DPP10: variants seen among roughly 807,000 people sequenced by gnomAD.
DPP10 encodes inactive dipeptidyl peptidase 10.
A neutral mutation model predicts 120.9 loss-of-function variants in DPP10; 33 were observed. That is an observed-to-expected ratio of 0.27 (90% CI 0.21 to 0.37). The LOEUF (loss-of-function observed/expected upper bound fraction) is 0.37, where lower values mean the gene tolerates loss of function less well. Among genes scored for constraint, DPP10 ranks in the 10% least tolerant of loss-of-function variants. The probability of loss-of-function intolerance (pLI) is 1.00; values close to 1 mark genes in which losing one functional copy is unlikely to be tolerated. For synonymous variants in DPP10, 337 were observed against 326.1 expected (o/e 1.03, Z -0.36); for missense variants, 816 against 942.8 (o/e 0.87, Z 1.76).
At chr2:114,964,718 G>A (rs1698881186) in intron 1 of DPP10, among the ~76,000 whole-genome samples, 1 of 152,176 alleles carries the variant, frequency 6.6e-6, no homozygotes, top group Non-Finnish European at 1.5e-5. Context: ...CAATGGAGCA[G>A]CAGATCACAT....
chr2:115,342,300 G>C (rs759214880), intron 2 of DPP10: 1 of 296,502 alleles, frequency 3.4e-6, no homozygotes, highest in Non-Finnish European at 6.7e-6. Context: ...TCCGCCTCCT[G>C]TGTTCAAGCA....
At chr2:115,294,626 A>G (rs902421564) in intron 1 of DPP10, among the ~76,000 whole-genome samples, 1 of 152,140 alleles carries the variant, frequency 6.6e-6, no homozygotes, top group African/African-American at 2.4e-5. Context: ...AAAATGAAAA[A>G]TGACTAGGAC....
In DPP10 at chr2:115,724,743, G is replaced by T. The variant is rs1575607006; in HGVS notation, c.577-3073G>T. Among the ~76,000 whole-genome samples the T allele has an allele frequency of 2.0e-5, 3 of 152,156 alleles. No homozygotes were observed. The East Asian group carries it at 5.8e-4, about 29-fold the overall frequency. On this transcript the variant is annotated intron_variant, in intron 7 of 25. Transcript: ENST00000410059. Reference sequence around the variant, plus strand: ...ACTGGGTAATTTATAAAGAAAAGAGGTTTAAGTGATTCAAGGTTCTGCAGG... The same window carrying T: ...ACTGGGTAATTTATAAAGAAAAGAGTTTTAAGTGATTCAAGGTTCTGCAGG...
intron 2 of DPP10, 116 bp downstream of exon 2, chr2:115,309,469 G>A: frequency 1.2e-6 from 1 of 865,120 alleles, no homozygotes; most frequent in Non-Finnish European, 1.7e-6. Flanking sequence ...AGCATGGGTT[G>A]GAATTTGGAA....
intron 1 of DPP10, among the ~76,000 whole-genome samples, chr2:114,631,342 A>C (rs933960514): frequency 2.0e-5 from 3 of 151,972 alleles, no homozygotes; most frequent in African/African-American, 7.3e-5. Flanking sequence ...AGACAGCACC[A>C]CTCACTGCAG....
Position 115,759,849 on chromosome 2 carries a change from A to G in DPP10, c.1075-2723A>G, listed in dbSNP as rs552567455. On this transcript the variant is annotated intron_variant, in intron 11 of 25. Transcript: ENST00000410059. ...AACATGGAGAAACCCCGTCCCTACT[A>G]AAAATACAAAATTAACCGGGCATGT... Among the ~76,000 whole-genome samples, 4 of 152,210 alleles carry G rather than the reference A, an allele frequency of 2.6e-5. No individual in the cohort carries two copies. In the South Asian group the frequency reaches 8.3e-4, roughly 32 times the overall value.
intron 3 of DPP10, among the ~76,000 whole-genome samples, chr2:115,439,603 C>G (rs1483631916): frequency 6.6e-6 from 1 of 152,044 alleles, no homozygotes; most frequent in Non-Finnish European, 1.5e-5. Flanking sequence ...TTTATTTCTA[C>G]GAGAAGATGG....
chr2:115,563,197 G>T (rs1273847701), intron 5 of DPP10, among the ~76,000 whole-genome samples: 1 of 152,152 alleles, frequency 6.6e-6, no homozygotes, highest in Non-Finnish European at 1.5e-5. Flanking sequence ...AGCATTTGCT[G>T]TGCATCATTT....
intron 1 of DPP10, among the ~76,000 whole-genome samples, chr2:115,112,178 T>A (rs922980635): frequency 2.6e-5 from 4 of 152,168 alleles, no homozygotes; most frequent in African/African-American, 9.6e-5. Context: ...TCTTGTTAGA[T>A]AAAATCCAGA....
intron 5 of DPP10, among the ~76,000 whole-genome samples, chr2:115,633,297 T>G (rs986952224): frequency 7.2e-5 from 11 of 152,144 alleles, no homozygotes; most frequent in Non-Finnish European, 1.5e-4. Context: ...TGGATGAAGC[T>G]GGAAACCATC....
chr2:115,664,671 C>G (rs1437260594), intron 5 of DPP10, among the ~76,000 whole-genome samples: 1 of 152,170 alleles, frequency 6.6e-6, no homozygotes, highest in African/African-American at 2.4e-5. Context: ...AGCTCACCAC[C>G]TCCTGTGCTT....
intron 1 of DPP10, among the ~76,000 whole-genome samples, chr2:114,702,252 G>C (rs76724219): frequency 6.6e-6 from 1 of 152,052 alleles, no homozygotes; most frequent in African/African-American, 2.4e-5. Flanking sequence ...CAACCAGGGG[G>C]GCATGGTCAG....
In DPP10 at chr2:114,476,680, G is replaced by A. The variant is rs575262420; in HGVS notation, c.60+33842G>A. ...CAGGAAATAGTGCGTATGTGTGAGTGGGGAGCTACTCTGTGGGACTGGTGA... is the reference window on the plus strand; with the variant it reads ...CAGGAAATAGTGCGTATGTGTGAGTAGGGAGCTACTCTGTGGGACTGGTGA... On this transcript the variant is annotated intron_variant, in intron 1 of 25. Coordinates refer to ENST00000410059, the MANE Select transcript of DPP10 (RefSeq NM_020868.6). Among the ~76,000 whole-genome samples, 74 of 152,306 alleles carry A rather than the reference G, an allele frequency of 4.9e-4. No homozygotes were observed. In the South Asian group the frequency reaches 0.015, roughly 30 times the overall value.
At position 115,791,140 on chromosome 2, in the gene DPP10, G is replaced by C; in HGVS notation, c.1591G>C (p.Gly531Arg). 1.2e-6 allele frequency: 2 copies of C among 1,613,434 alleles called. No homozygotes were observed. Among genetic ancestry groups the C allele is most frequent in the East Asian group, 2.2e-5 (1 of 44,766 alleles). The change falls in exon 18 of 26, where the codon GGA becomes CGA. Residue 531 changes from glycine (G) to arginine (R), a missense_variant. This residue lies in a region of DPP10 where 592 missense variants were observed against 649.0 expected (regional missense o/e 0.91). Coordinates refer to ENST00000410059, the MANE Select transcript of DPP10 (RefSeq NM_020868.6). ...GGAAGCTATCCTGAAGAAGAAGATA[G>C]GAAAGCCAGAAATTAAAATCCTTCA... ...LKEAILKKKI[G>R]KPEIKILHID... is the part of the protein sequence containing the mutation.
intron 3 of DPP10, among the ~76,000 whole-genome samples, chr2:115,385,334 A>G (rs190313206): frequency 2.7e-5 from 4 of 150,810 alleles, no homozygotes; most frequent in East Asian, 3.9e-4. Flanking sequence ...CTTTTGTTCA[A>G]TCATATTTCT....
At chr2:115,059,661 T>C (rs1403396562) in intron 1 of DPP10, among the ~76,000 whole-genome samples, 2 of 128,306 alleles carry the variant, frequency 1.6e-5, no homozygotes, top group African/African-American at 6.0e-5. Context: ...GAAGAAATCT[T>C]GGGAACATTA....
chr2:114,993,580 G>GTATATA (rs59593945), intron 1 of DPP10, among the ~76,000 whole-genome samples: 2,483 of 97,224 alleles, frequency 0.026, 76 homozygotes, highest in East Asian at 0.047. Flanking sequence ...GTGTGTGTGT[G>GTATATA]TATATATATA....
intron 1 of DPP10, among the ~76,000 whole-genome samples, chr2:114,559,329 C>G (rs918037679): frequency 1.3e-5 from 2 of 152,282 alleles, no homozygotes; most frequent in Middle Eastern, 3.4e-3. Context: ...CAGAGTGATG[C>G]AGTTGCTCCC....
chr2:114,495,047 G>A lies in DPP10; in HGVS notation c.60+52209G>A, dbSNP rs534659767. 7.9e-5 allele frequency among the ~76,000 whole-genome samples: 12 copies of A among 152,208 alleles called. No individual in the cohort carries two copies. In the East Asian group the frequency reaches 9.6e-4, roughly 12 times the overall value. Reference sequence around the variant, plus strand: ...ATCTGTCTAAGTAAATGGTAACTAGGTAATTTGGGAGAGGAACAAGTATAG... The same window carrying A: ...ATCTGTCTAAGTAAATGGTAACTAGATAATTTGGGAGAGGAACAAGTATAG... On this transcript the variant is annotated intron_variant, in intron 1 of 25. Transcript: ENST00000410059.
Sources: gnomAD v4.1 joint callset for allele counts (sites outside exome capture counted in the v4.1 genomes callset) on GRCh38, gnomAD v4.1.1 for gene constraint, gnomAD v4.1.1 regional missense constraint, MANE v1.5 for transcripts, NCBI Gene and HGNC (gene_info 2026-07-23, HGNC 2026-07-21) for gene names.